MCPH1: variants seen among roughly 807,000 people sequenced by gnomAD.
The protein encoded by MCPH1 is microcephalin.
In MCPH1, 104 loss-of-function variants were observed where a neutral mutation model predicts 84.5. That is an observed-to-expected ratio of 1.23 (90% CI 1.05 to 1.45). The LOEUF (loss-of-function observed/expected upper bound fraction) is 1.45. Among genes scored for constraint, MCPH1 ranks in the 40% most tolerant of loss-of-function variants. The pLI, the probability that MCPH1 is intolerant of heterozygous loss-of-function variation, is 0.00. For synonymous variants in MCPH1, 514 were observed against 366.8 expected, an observed-to-expected ratio of 1.40 and a Z score of -4.58; for missense variants, 1,498 against 1,005.7, an observed-to-expected ratio of 1.49 and a Z score of -6.62.
Position 6,617,837 on chromosome 8 carries a change from G to A in MCPH1, c.2215-3617G>A, listed in dbSNP as rs551746316. 5.2e-4 allele frequency among the ~76,000 whole-genome samples: 79 copies of A among 151,924 alleles called. 1 individual carries two copies. Among genetic ancestry groups the A allele is most frequent in the Admixed American group, 4.6e-3 (70 of 15,260 alleles). ...AACTATAGGCATGTGACACCATGCC[G>A]GGCTTGCTTATCTATGTCTGTCTGT... is the stretch of plus-strand genomic sequence containing the variant. On this transcript the variant is annotated intron_variant, in intron 12 of 13. Coordinates refer to ENST00000344683, the MANE Select transcript of MCPH1 (RefSeq NM_024596.5).
intron 12 of MCPH1, among the ~76,000 whole-genome samples, chr8:6,505,719 T>C (rs1252744976): frequency 1.1e-5 from 1 of 88,050 alleles, no homozygotes; most frequent in South Asian, 3.3e-4. Context: ...GTATATATAT[T>C]CTATATATAT....
intron 2 of MCPH1, among the ~76,000 whole-genome samples, chr8:6,411,474 C>T (rs1040809200): frequency 6.6e-6 from 1 of 152,152 alleles, no homozygotes; most frequent in Non-Finnish European, 1.5e-5. Context: ...TCAGATATGC[C>T]AGAGAAGCCT....
At chr8:6,492,502 C>G (rs75783895) in intron 11 of MCPH1, among the ~76,000 whole-genome samples, 3 of 151,694 alleles carry the variant, frequency 2.0e-5, no homozygotes, top group African/African-American at 7.3e-5. Flanking sequence ...TCAATTTTGG[C>G]TTTTGTTGCC....
At chr8:6,601,847 A>T (rs183939868) in intron 12 of MCPH1, among the ~76,000 whole-genome samples, 1 of 152,198 alleles carries the variant, frequency 6.6e-6, no homozygotes, top group Admixed American at 6.6e-5. Flanking sequence ...TTTTCTGGAA[A>T]GCATTCCCCA....
At chr8:6,626,474 G>GGT (rs71511150) in intron 13 of MCPH1, 2 of 925,374 alleles carry the variant, frequency 2.2e-6, no homozygotes, top group South Asian at 5.2e-5. Flanking sequence ...TTTTTGTTTT[G>GGT]TTTTTTTTTT....
At chr8:6,579,197 C>A (rs1363711871) in intron 12 of MCPH1, among the ~76,000 whole-genome samples, 1 of 152,236 alleles carries the variant, frequency 6.6e-6, no homozygotes, top group Admixed American at 6.5e-5. Context: ...CCCTCTTCAT[C>A]TGTTAAGTGA....
At chr8:6,533,081 A>T (rs187037838) in intron 12 of MCPH1, among the ~76,000 whole-genome samples, 1 of 152,322 alleles carries the variant, frequency 6.6e-6, no homozygotes, top group East Asian at 1.9e-4. Context: ...AATTCGACCT[A>T]TTAAATTTTT....
At chr8:6,596,832 A>T (rs776131648) in intron 12 of MCPH1, among the ~76,000 whole-genome samples, 1 of 152,244 alleles carries the variant, frequency 6.6e-6, no homozygotes, top group Non-Finnish European at 1.5e-5. Flanking sequence ...CATGCAGCGG[A>T]GAATAATCAT....
intron 3 of MCPH1, among the ~76,000 whole-genome samples, chr8:6,430,420 T>C (rs150299410): frequency 1.4e-4 from 22 of 152,332 alleles, no homozygotes; most frequent in African/African-American, 4.1e-4. Context: ...AGTGTTGTTA[T>C]AAAGATAGTA....
Position 6,590,499 on chromosome 8 carries a change from C to G in MCPH1, c.2215-30955C>G, listed in dbSNP as rs918863650. Among the ~76,000 whole-genome samples the G allele has an allele frequency of 2.6e-5, 4 of 152,254 alleles. No individual in the cohort carries two copies. In the East Asian group the frequency reaches 5.8e-4, roughly 22 times the overall value. ...TTTCTCAAACTCATGTCAGATGCCC[C>G]TCGGCCACTAGACAGAATCTGCTGC... is the stretch of plus-strand genomic sequence containing the variant. On this transcript the variant is annotated intron_variant, in intron 12 of 13. Transcript: ENST00000344683.
chr8:6,456,531 G>T (rs898389867), intron 9 of MCPH1, among the ~76,000 whole-genome samples: 4 of 152,040 alleles, frequency 2.6e-5, no homozygotes, highest in Non-Finnish European at 5.9e-5. Context: ...CTGATGCGTC[G>T]CATGGCACCA....
At chr8:6,423,249 G>T (rs1800526338) in intron 3 of MCPH1, among the ~76,000 whole-genome samples, 1 of 143,258 alleles carries the variant, frequency 7.0e-6, no homozygotes, top group South Asian at 2.2e-4. Context: ...GAGTGCAGTG[G>T]TGCAATCTTG....
intron 12 of MCPH1, among the ~76,000 whole-genome samples, chr8:6,568,187 A>G (rs1051928873): frequency 6.6e-6 from 1 of 151,976 alleles, no homozygotes; most frequent in African/African-American, 2.4e-5. Context: ...TAAGGCGCAA[A>G]CAAGAAAAGC....
intron 8 of MCPH1, among the ~76,000 whole-genome samples, chr8:6,454,882 A>G (rs181560125): frequency 7.9e-4 from 121 of 152,362 alleles, no homozygotes; most frequent in African/African-American, 2.9e-3. Context: ...ATTTTCTTAC[A>G]TTATCAAATG....
intron 12 of MCPH1, among the ~76,000 whole-genome samples, chr8:6,577,325 A>C (rs1163003502): frequency 6.6e-6 from 1 of 152,180 alleles, no homozygotes; most frequent in Non-Finnish European, 1.5e-5. Flanking sequence ...AACCCGGTGC[A>C]TTTGGATGAA....
chr8:6,552,490 G>A (rs1328847371), intron 12 of MCPH1, among the ~76,000 whole-genome samples: 1 of 152,116 alleles, frequency 6.6e-6, no homozygotes, highest in Non-Finnish European at 1.5e-5. Flanking sequence ...ATAACTCTGA[G>A]GTATAGAAGT....
At chr8:6,438,825 G>C in intron 5 of MCPH1, 128 bp from the exon 6 acceptor site, 1 of 772,092 alleles carries the variant, frequency 1.3e-6, no homozygotes, top group South Asian at 1.5e-5. Flanking sequence ...ATATTAGCAG[G>C]AGTAGGTAAT....
At chr8:6,636,207 G>T (rs1182917666) in intron 13 of MCPH1, among the ~76,000 whole-genome samples, 3 of 152,064 alleles carry the variant, frequency 2.0e-5, no homozygotes, top group African/African-American at 7.2e-5. Context: ...GGGCGTGATG[G>T]CACATGCATG....
intron 13 of MCPH1, among the ~76,000 whole-genome samples, chr8:6,631,878 T>C (rs189582308): frequency 6.6e-5 from 10 of 152,208 alleles, no homozygotes; most frequent in Non-Finnish European, 8.8e-5. Flanking sequence ...AAAAGAATAA[T>C]TGTACATCCA....
Sources: gnomAD v4.1 joint callset for allele counts (sites outside exome capture counted in the v4.1 genomes callset) on GRCh38, gnomAD v4.1.1 for gene constraint, MANE v1.5 for transcripts, NCBI Gene and HGNC (gene_info 2026-07-23, HGNC 2026-07-21) for gene names.